The following USP53 variants were observed in gnomAD, a reference collection of about 807,000 sequenced individuals.
USP53 encodes the protein ubiquitin specific peptidase 53, also known as ubiquitin carboxyl-terminal hydrolase 53.
In USP53, 71 loss-of-function variants were observed where a neutral mutation model predicts 94.9. The ratio of observed to expected loss-of-function variants is 0.75; its 90% CI spans 0.62 to 0.91. The LOEUF (loss-of-function observed/expected upper bound fraction) is 0.91. Ranked by LOEUF, USP53 falls within the 40% of genes least tolerant of loss-of-function variation. The pLI, the probability that USP53 is intolerant of heterozygous loss-of-function variation, is 0.00. For missense variants in USP53, 1,173 were observed against 1,281.0 expected (o/e 0.92, Z 1.29); for synonymous variants, 375 against 422.7 (o/e 0.89, Z 1.39).
chr4:119,241,509 A>G (rs1194980167), intron 5 of USP53, among the ~76,000 whole-genome samples: 37 of 88,252 alleles, frequency 4.2e-4, no homozygotes, highest in Admixed American at 4.2e-3. Flanking sequence ...GTCCAAGTTG[A>G]CATTTTTTCT....
chr4:119,271,408 T>C lies in USP53; in HGVS notation c.1548T>C (p.Tyr516=). Residue 516 remains tyrosine, a synonymous_variant, in exon 16 of 19, where the codon TAT becomes TAC. Transcript: ENST00000692078. The part of the protein sequence containing the change: ...HLYHSQGKGS[Y]KHDRVVPQSR... ...ATCATAGTCAAGGAAAAGGATCATA[T>C]AAACATGACCGAGTTGTACCTCAGA... is the stretch of plus-strand genomic sequence containing the variant. 1 of 1,613,962 alleles carries C rather than the reference T, an allele frequency of 6.2e-7. No homozygotes were observed. The highest frequency in any genetic ancestry group is 1.7e-5 in the Admixed American group (1 of 59,980).
At chr4:119,216,580 A>T (rs1361962960) in intron 2 of USP53, among the ~76,000 whole-genome samples, 8 of 152,176 alleles carry the variant, frequency 5.3e-5, no homozygotes, top group Non-Finnish European at 8.8e-5. Flanking sequence ...AATATTTACA[A>T]CAATTCTGTG....
At chr4:119,229,455 T>A (rs937358880) in intron 3 of USP53, among the ~76,000 whole-genome samples, 21 of 152,234 alleles carry the variant, frequency 1.4e-4, no homozygotes, top group Non-Finnish European at 3.1e-4. Flanking sequence ...CCCTTGAATG[T>A]TCTGTAGAAA....
chr4:119,279,787 G>A (rs1753250364), intron 17 of USP53, among the ~76,000 whole-genome samples: 1 of 152,224 alleles, frequency 6.6e-6, no homozygotes, highest in Non-Finnish European at 1.5e-5. Flanking sequence ...AGCCAGGTGT[G>A]GGATATAATC....
chr4:119,218,682 T>C (rs1433797830), intron 3 of USP53: 3 of 152,210 alleles, frequency 2.0e-5, no homozygotes, highest in Non-Finnish European at 2.9e-5. Context: ...AATTATACCT[T>C]CCTTACTATA....
intron 9 of USP53, among the ~76,000 whole-genome samples, chr4:119,257,802 G>T (rs931587557): frequency 6.6e-6 from 1 of 152,178 alleles, no homozygotes; most frequent in African/African-American, 2.4e-5. Context: ...ATTGTAGTCA[G>T]TCGTCAGTCA....
In USP53 at chr4:119,256,370, T is replaced by C. The variant is rs143666787; in HGVS notation, c.486+11T>C. ...ACTCTGTATGAACAGGTGAGATGGC[T>C]TGATTATTATTTAGATATTGTAGTT... On this transcript the variant is annotated intron_variant, in intron 8 of 18. Transcript: ENST00000692078. 1.9e-6 allele frequency: 3 copies of C among 1,613,382 alleles called. No homozygotes were observed. In the African/African-American group the frequency reaches 4.0e-5, roughly 22 times the overall value.
chr4:119,280,286 C>T (rs1365837356), intron 17 of USP53, among the ~76,000 whole-genome samples: 1 of 151,622 alleles, frequency 6.6e-6, no homozygotes, highest in Non-Finnish European at 1.5e-5. Context: ...CCCTTGAACA[C>T]ATTGCTTTTG....
chr4:119,261,585 A>G, intron 11 of USP53, 130 bp from the exon 12 acceptor site: 1 of 612,992 alleles, frequency 1.6e-6, no homozygotes, highest in East Asian at 3.2e-5. Flanking sequence ...TCAAGTAATA[A>G]TATAATATTA....
At position 119,292,559 on chromosome 4, in the gene USP53, A is replaced by T. The variant is rs777060493; in HGVS notation, c.2570A>T (p.Asn857Ile). ...NSASGKRVNS[N>I]EPSSLWSSHL... Reference sequence around the variant, plus strand: ...GCTTCTGGGAAGAGAGTGAACAGTAATGAACCATCTTCATTATGGTCTTCA... The same window carrying T: ...GCTTCTGGGAAGAGAGTGAACAGTATTGAACCATCTTCATTATGGTCTTCA... Residue 857 changes from asparagine to isoleucine, a missense_variant, in exon 19 of 19, where the codon AAT becomes ATT. Transcript: ENST00000692078. 17 of 1,613,960 alleles carry T rather than the reference A, an allele frequency of 1.1e-5. No homozygotes were observed. The East Asian group carries it at 3.6e-4, about 34-fold the overall frequency.
At chr4:119,251,519 C>T (rs567558904) in intron 7 of USP53, among the ~76,000 whole-genome samples, 2 of 152,304 alleles carry the variant, frequency 1.3e-5, no homozygotes, top group Admixed American at 6.5e-5. Flanking sequence ...ACACTCCCAT[C>T]GACAGTGTAA....
chr4:119,291,202 T>TA lies in USP53; in HGVS notation c.2292dup (p.Ser765IlefsTer3). On this transcript the variant is annotated frameshift_variant, in exon 18 of 19. Transcript: ENST00000692078. LOFTEE classifies it high-confidence loss of function. ...AACTCAGGAATTTGGAAGCAGGCTA[T>TA]AAATCTCATGAATTCCACCCAGAAT... The TA allele has an allele frequency of 6.9e-7, 1 of 1,445,764 alleles. No individual in the cohort carries two copies. Among genetic ancestry groups the TA allele is most frequent in the South Asian group, 1.2e-5 (1 of 85,240 alleles). 89.6% of individuals were successfully genotyped at this position (1,445,764 alleles called of 1,614,324 possible).
At chr4:119,247,538 A>G (rs1314619069) in intron 6 of USP53, among the ~76,000 whole-genome samples, 2 of 152,024 alleles carry the variant, frequency 1.3e-5, no homozygotes, top group Non-Finnish European at 2.9e-5. Flanking sequence ...TCTCTCTTGT[A>G]TCTATTTTTC....
rs768732342 is a variant in USP53 at position 119,271,533 on chromosome 4, A to G, written c.1673A>G (p.Tyr558Cys). The change falls in exon 16 of 19, where the codon TAT becomes TGT. Residue 558 changes from tyrosine to cysteine, a missense_variant. Transcript: ENST00000692078. ...GKVKSDNGTG[Y>C]DTDSSQDSRD... Reference sequence around the variant, plus strand: ...GTTAAGAGTGACAATGGCACTGGATATGACACAGACAGCAGCCAAGATTCT... The same window carrying G: ...GTTAAGAGTGACAATGGCACTGGATGTGACACAGACAGCAGCCAAGATTCT... 1.2e-6 allele frequency: 2 copies of G among 1,613,820 alleles called. No individual in the cohort carries two copies. Among genetic ancestry groups the G allele is most frequent in the Non-Finnish European group, 1.7e-6 (2 of 1,180,018 alleles).
chr4:119,245,000 T>A (rs1174162014), intron 5 of USP53, among the ~76,000 whole-genome samples: 1 of 152,238 alleles, frequency 6.6e-6, no homozygotes, highest in African/African-American at 2.4e-5. Context: ...TCCTCTTTCA[T>A]GTCTCTGCCA....
chr4:119,225,034 A>G (rs944529544), intron 3 of USP53, among the ~76,000 whole-genome samples: 4 of 152,198 alleles, frequency 2.6e-5, no homozygotes, highest in Non-Finnish European at 5.9e-5. Flanking sequence ...GAAATTATCA[A>G]TAAAGTTGAT....
At chr4:119,213,322 C>G (rs908614756) in intron 1 of USP53, 5 of 152,132 alleles carry the variant, frequency 3.3e-5, no homozygotes, top group African/African-American at 1.2e-4. Context: ...TGGTTATGCT[C>G]CCTCCTTGGA....
intron 13 of USP53, 142 bp downstream of exon 13, chr4:119,267,624 T>G (rs1013240988): frequency 3.9e-6 from 4 of 1,026,052 alleles, no homozygotes; most frequent in Non-Finnish European, 5.4e-6. Flanking sequence ...TAGTAATTTT[T>G]GTTAGTATTT....
At chr4:119,216,507 C>T (rs1219230452) in intron 2 of USP53, among the ~76,000 whole-genome samples, 2 of 152,144 alleles carry the variant, frequency 1.3e-5, no homozygotes, top group African/African-American at 4.8e-5. Flanking sequence ...GATCCATTGG[C>T]TGTTAACATT....
Sources: allele counts gnomAD v4.1 joint callset (sites outside exome capture counted in the v4.1 genomes callset), GRCh38; gene constraint gnomAD v4.1.1; transcripts MANE v1.5; gene names NCBI Gene and HGNC (gene_info 2026-07-23, HGNC 2026-07-21).